FAT3: variants seen among roughly 807,000 people sequenced by gnomAD.
FAT3 encodes the protein protocadherin Fat 3.
In FAT3, 95 loss-of-function variants were observed where a neutral mutation model predicts 310.2. The ratio of observed to expected loss-of-function variants is 0.31; its 90% CI spans 0.26 to 0.36. FAT3 has a LOEUF of 0.36. Ranked by LOEUF, FAT3 falls within the 10% of genes least tolerant of loss-of-function variation. The probability of loss-of-function intolerance (pLI) is 1.00; values close to 1 mark genes in which losing one functional copy is unlikely to be tolerated. For missense variants in FAT3, 5,408 were observed against 5,715.6 expected (o/e 0.95, Z 1.74); for synonymous variants, 2,314 against 2,192.9 (o/e 1.06, Z -1.54).
At position 92,476,805 on chromosome 11, in the gene FAT3, G is replaced by A. The variant is rs111439035; in HGVS notation, c.3293-47829G>A. ...GTATTAGAGGATCAAGTTGAAGACA[G>A]TGGTACTGAGGAACTAAAAATTAAC... On this transcript the variant is annotated intron_variant, in intron 2 of 27. Transcript: ENST00000525166. Among the ~76,000 whole-genome samples, 830 of 152,334 alleles carry A rather than the reference G, an allele frequency of 5.4e-3. 4 individuals carry two copies. Among genetic ancestry groups the A allele is most frequent in the African/African-American group, 0.019 (774 of 41,574 alleles).
At chr11:92,525,159 G>A in intron 3 of FAT3, among the ~76,000 whole-genome samples, 1 of 152,146 alleles carries the variant, frequency 6.6e-6, no homozygotes, top group Non-Finnish European at 1.5e-5. Context: ...ATCAAAATCA[G>A]AGGTTTTCAC....
chr11:92,545,337 C>T lies in FAT3; in HGVS notation c.3607+20389C>T, dbSNP rs147045808. On this transcript the variant is annotated intron_variant, in intron 3 of 27. Transcript: ENST00000525166. ...CTATCTAACAAGGTATATATGTGACCTATTTATTTTGTTGATCTTTTATTT... is the reference window on the plus strand; with the variant it reads ...CTATCTAACAAGGTATATATGTGACTTATTTATTTTGTTGATCTTTTATTT... 6.9e-3 allele frequency among the ~76,000 whole-genome samples: 1,055 copies of T among 152,196 alleles called. 4 individuals are homozygous for T. Among genetic ancestry groups the T allele is most frequent in the Non-Finnish European group, 0.011 (777 of 68,004 alleles).
At chr11:92,838,579 C>A (rs1405627421) in intron 17 of FAT3, among the ~76,000 whole-genome samples, 1 of 152,112 alleles carries the variant, frequency 6.6e-6, no homozygotes, top group East Asian at 1.9e-4. Flanking sequence ...GTGTAGAGGA[C>A]TTAGAGAAGA....
rs375559990 is a variant in FAT3, at chr11:92,836,695, C to G, written c.10216C>G (p.Arg3406Gly). 2 of 1,612,924 alleles carry G rather than the reference C, an allele frequency of 1.2e-6. No individual in the cohort carries two copies. The highest frequency in any genetic ancestry group is 1.7e-6 in the Non-Finnish European group (2 of 1,179,496). Residue 3406 changes from arginine to glycine, a missense_variant, in exon 16 of 28, where the codon CGG (arginine) becomes GGG (glycine). Around this residue, in one of 5 missense-constraint regions of FAT3, gnomAD observed 4,588 missense variants for 4,809.8 expected, o/e 0.95. Coordinates refer to ENST00000525166, the MANE Select transcript of FAT3 (RefSeq NM_001367949.2). ...TGTGAAAGTTAAGAAGAAATTGGAC[C>G]GGGAACGGGTAAGCTAGTTTAGGAC... ...GLVKVKKKLD[R>G]ERVSGYSLLV...
chr11:92,866,703 C>G (rs1202174644), intron 21 of FAT3, 38 bp from the exon 22 acceptor site: 2 of 1,563,300 alleles, frequency 1.3e-6, no homozygotes, highest in East Asian at 2.3e-5. Context: ...TTCCCAGTTG[C>G]ATGTTGAAAA....
At chr11:92,858,522 T>C (rs2136325487) in intron 20 of FAT3, among the ~76,000 whole-genome samples, 1 of 152,276 alleles carries the variant, frequency 6.6e-6, no homozygotes, top group Non-Finnish European at 1.5e-5. Flanking sequence ...TTACTTTTCT[T>C]GTTAAAACAT....
chr11:92,878,654 AAAAAAAAAAAAAAG>A lies in FAT3; in HGVS notation c.12128-2076_12128-2063del, dbSNP rs1185754824. On this transcript the variant is annotated intron_variant, in intron 22 of 27. Coordinates refer to ENST00000525166, the MANE Select transcript of FAT3 (RefSeq NM_001367949.2). ...TGTGTTAAAAAAAAAAAAAAAAAAA[AAAAAAAAAAAAAAG>A]CTCCGCACAAAAAAAGTTCTTGGAA... is the stretch of plus-strand genomic sequence containing the variant. Among the ~76,000 whole-genome samples the A allele has an allele frequency of 1.8e-3, 233 of 132,608 alleles. 8 individuals carry two copies. The highest frequency in any genetic ancestry group is 6.5e-3 in the African/African-American group (194 of 29,868). The allele number at this position is 132,608 out of a possible 152,430, so 87.0% of individuals were successfully genotyped here. A position where few individuals can be genotyped will look rare whatever the true frequency, so the allele number is the denominator to read the frequency against.
At chr11:92,231,958 A>G (rs988568780) in intron 1 of FAT3, among the ~76,000 whole-genome samples, 1 of 152,154 alleles carries the variant, frequency 6.6e-6, no homozygotes, top group African/African-American at 2.4e-5. Context: ...TTTTAAGTCT[A>G]TGTGATCAAT....
intron 2 of FAT3, among the ~76,000 whole-genome samples, chr11:92,465,818 AAACC>A: frequency 6.6e-6 from 1 of 152,088 alleles, no homozygotes; most frequent in South Asian, 2.1e-4. Flanking sequence ...CATATGTAAC[AAACC>A]TGCACGTTGT....
intron 2 of FAT3, among the ~76,000 whole-genome samples, chr11:92,418,428 A>C (rs543899037): frequency 0.13 from 8,108 of 61,648 alleles, 89 homozygotes; most frequent in Non-Finnish European, 0.14. Context: ...CACCCCCCCC[A>C]CCCCCCCACA....
chr11:92,310,410 G>A (rs971112907), intron 1 of FAT3, among the ~76,000 whole-genome samples: 1 of 152,106 alleles, frequency 6.6e-6, no homozygotes, highest in Non-Finnish European at 1.5e-5. Flanking sequence ...TATACTTAGA[G>A]GAAAGTTTTG....
chr11:92,264,875 G>A (rs1385197673), intron 1 of FAT3, among the ~76,000 whole-genome samples: 3 of 152,052 alleles, frequency 2.0e-5, no homozygotes, highest in Non-Finnish European at 4.4e-5. Context: ...AGAATAACAT[G>A]TATTTATTTC....
chr11:92,749,871 A>G (rs1945783137), intron 4 of FAT3, among the ~76,000 whole-genome samples: 1 of 152,236 alleles, frequency 6.6e-6, no homozygotes, highest in African/African-American at 2.4e-5. Flanking sequence ...ATATTGTTTT[A>G]AATCAATCAG....
At chr11:92,410,851 A>C (rs972312450) in intron 2 of FAT3, among the ~76,000 whole-genome samples, 1 of 151,760 alleles carries the variant, frequency 6.6e-6, no homozygotes, top group African/African-American at 2.4e-5. Flanking sequence ...CTTGGAATAT[A>C]ATCTTGGGGA....
At chr11:92,783,212 G>C (rs1304623908) in intron 7 of FAT3, among the ~76,000 whole-genome samples, 1 of 151,884 alleles carries the variant, frequency 6.6e-6, no homozygotes, top group African/African-American at 2.4e-5. Flanking sequence ...ACAAAAATTA[G>C]CTGGGTGTGG....
intron 1 of FAT3, among the ~76,000 whole-genome samples, chr11:92,268,499 A>C (rs1423308469): frequency 1.3e-5 from 2 of 152,042 alleles, no homozygotes; most frequent in African/African-American, 4.8e-5. Flanking sequence ...TAAAAGATAA[A>C]AATAATTTTC....
chr11:92,340,949 T>C lies in FAT3; in HGVS notation c.-17-11147T>C, dbSNP rs77560206. ...TTGCGGAGATCCGGAAGACTAGTTT[T>C]CTCTTAGGATGAGCTCCATCACCTG... On this transcript the variant is annotated intron_variant, in intron 1 of 27. Coordinates refer to ENST00000525166, the MANE Select transcript of FAT3 (RefSeq NM_001367949.2). Among the ~76,000 whole-genome samples, 1,106 of 152,244 alleles carry C rather than the reference T, an allele frequency of 7.3e-3. 21 individuals are homozygous for C. The highest frequency in any genetic ancestry group is 0.026 in the African/African-American group (1,060 of 41,556).
intron 1 of FAT3, among the ~76,000 whole-genome samples, chr11:92,237,267 A>G (rs548296938): frequency 9.3e-4 from 142 of 152,288 alleles, no homozygotes; most frequent in African/African-American, 3.3e-3. Context: ...CTTTGCTTCC[A>G]TGCAGATTTC....
intron 22 of FAT3, among the ~76,000 whole-genome samples, chr11:92,877,275 G>A (rs543475287): frequency 6.6e-6 from 1 of 152,156 alleles, no homozygotes; most frequent in African/African-American, 2.4e-5. Flanking sequence ...ACTTCTGAAG[G>A]GGGAGAGATG....
Sources: gnomAD v4.1 joint callset for allele counts (sites outside exome capture counted in the v4.1 genomes callset) on GRCh38, gnomAD v4.1.1 for gene constraint, gnomAD v4.1.1 regional missense constraint, MANE v1.5 for transcripts, NCBI Gene and HGNC (gene_info 2026-07-23, HGNC 2026-07-21) for gene names.